The following ST7 variants were observed in gnomAD, a reference collection of about 807,000 sequenced individuals.
The protein encoded by ST7 is suppression of tumorigenicity 7.
In ST7, 28 loss-of-function variants were observed where a neutral mutation model predicts 78.7. The observed-to-expected ratio is 0.36, with a 90% CI of 0.26 to 0.49. The LOEUF (loss-of-function observed/expected upper bound fraction) is 0.49, where lower values mean the gene tolerates loss of function less well. Ranked by LOEUF, ST7 falls within the 20% of genes least tolerant of loss-of-function variation. The probability of loss-of-function intolerance (pLI) is 0.99; values close to 1 mark genes in which losing one functional copy is unlikely to be tolerated. For missense variants in ST7, 418 were observed against 696.0 expected, an observed-to-expected ratio of 0.60 and a Z score of 4.49; for synonymous variants, 247 against 249.6, an observed-to-expected ratio of 0.99 and a Z score of 0.10.
chr7:116,985,559 A>G (rs1794155421), intron 1 of ST7, among the ~76,000 whole-genome samples: 1 of 152,226 alleles, frequency 6.6e-6, no homozygotes. Flanking sequence ...GAACAAATTC[A>G]ACAAGCAAAT....
At chr7:117,009,427 G>GGGAT (rs1410757120) in intron 1 of ST7, among the ~76,000 whole-genome samples, 1 of 151,982 alleles carries the variant, frequency 6.6e-6, no homozygotes, top group Non-Finnish European at 1.5e-5. Context: ...TTTCTACAGA[G>GGGAT]GGATATGTCT....
intron 1 of ST7, chr7:117,080,930 C>T (rs1380340370): frequency 2.0e-5 from 3 of 151,912 alleles, no homozygotes; most frequent in African/African-American, 7.3e-5. Context: ...CACCAAAATC[C>T]AAATCCAAAG....
At chr7:117,100,298 C>G (rs984051035) in intron 2 of ST7, among the ~76,000 whole-genome samples, 3 of 151,926 alleles carry the variant, frequency 2.0e-5, no homozygotes, top group Non-Finnish European at 4.4e-5. Flanking sequence ...ATGGTGAAAC[C>G]CCATCTCTAC....
intron 10 of ST7, among the ~76,000 whole-genome samples, chr7:117,173,210 A>G (rs1451128548): frequency 3.3e-5 from 5 of 152,168 alleles, no homozygotes; most frequent in Non-Finnish European, 7.3e-5. Context: ...TTCATTATTC[A>G]TGGAAAAAGA....
chr7:117,210,071 A>G, intron 13 of ST7, 134 bp downstream of exon 13: 1 of 1,070,682 alleles, frequency 9.3e-7, no homozygotes, highest in Non-Finnish European at 1.3e-6. Flanking sequence ...CATCTAAGCC[A>G]GTTAGTGACT....
At chr7:117,043,751 T>A (rs940713005) in intron 1 of ST7, among the ~76,000 whole-genome samples, 1 of 152,200 alleles carries the variant, frequency 6.6e-6, no homozygotes, top group Non-Finnish European at 1.5e-5. Context: ...GTTCCTCAGA[T>A]TTTATTATTA....
At chr7:117,105,986 G>A (rs569634910) in intron 2 of ST7, among the ~76,000 whole-genome samples, 7 of 145,354 alleles carry the variant, frequency 4.8e-5, no homozygotes, top group African/African-American at 1.7e-4. Flanking sequence ...TTTTGTTTTT[G>A]TTTTTGTTTT....
intron 1 of ST7, among the ~76,000 whole-genome samples, chr7:117,084,579 T>A (rs921807643): frequency 1.3e-5 from 2 of 152,180 alleles, no homozygotes; most frequent in African/African-American, 4.8e-5. Context: ...TTTGGACAAG[T>A]GACTTAAGTG....
chr7:117,154,333 C>T (rs559154593), intron 9 of ST7, among the ~76,000 whole-genome samples: 1 of 152,300 alleles, frequency 6.6e-6, no homozygotes, highest in East Asian at 1.9e-4. Context: ...TTGGACCTCC[C>T]AGCCTCCAGA....
intron 1 of ST7, among the ~76,000 whole-genome samples, chr7:116,991,282 G>T (rs1298118844): frequency 2.0e-5 from 3 of 152,098 alleles, no homozygotes; most frequent in Admixed American, 2.0e-4. Flanking sequence ...TTGAATGTGG[G>T]GAGGCAGAAA....
intron 12 of ST7, among the ~76,000 whole-genome samples, chr7:117,197,158 T>C (rs1341153125): frequency 6.6e-6 from 1 of 152,112 alleles, no homozygotes; most frequent in Non-Finnish European, 1.5e-5. Context: ...CCTCAGCCTC[T>C]AGAGTAGCTG....
intron 1 of ST7, among the ~76,000 whole-genome samples, chr7:117,089,119 C>T (rs993500547): frequency 2.8e-4 from 42 of 152,364 alleles, no homozygotes; most frequent in Admixed American, 2.7e-3. Flanking sequence ...GTCACTCACT[C>T]CATCCAGCCC....
chr7:117,133,158 T>A (rs1381796424), intron 6 of ST7, among the ~76,000 whole-genome samples: 1 of 151,964 alleles, frequency 6.6e-6, no homozygotes, highest in Non-Finnish European at 1.5e-5. Flanking sequence ...AATAATCCAT[T>A]AGAATATCTT....
intron 1 of ST7, among the ~76,000 whole-genome samples, chr7:116,977,130 G>A (rs899258314): frequency 2.0e-5 from 3 of 152,108 alleles, no homozygotes; most frequent in Non-Finnish European, 2.9e-5. Context: ...ATATTCTGAG[G>A]ACCATTAAAA....
intron 1 of ST7, among the ~76,000 whole-genome samples, chr7:117,051,705 A>G (rs1168246726): frequency 6.6e-6 from 1 of 152,178 alleles, no homozygotes; most frequent in Admixed American, 6.5e-5. Context: ...TAGAATGGTC[A>G]AGGTGGAGAG....
At chr7:117,197,159 A>G (rs1253316154) in intron 12 of ST7, among the ~76,000 whole-genome samples, 1 of 152,132 alleles carries the variant, frequency 6.6e-6, no homozygotes, top group African/African-American at 2.4e-5. Flanking sequence ...CTCAGCCTCT[A>G]GAGTAGCTGG....
intron 1 of ST7, among the ~76,000 whole-genome samples, chr7:116,987,690 T>C (rs1437426209): frequency 6.6e-6 from 1 of 152,200 alleles, no homozygotes; most frequent in Non-Finnish European, 1.5e-5. Context: ...GGCATCAGTC[T>C]CTCTTTGGTA....
intron 9 of ST7, chr7:117,146,207 T>A (rs2117124216): frequency 6.6e-6 from 1 of 152,316 alleles, no homozygotes; most frequent in Admixed American, 6.5e-5. Context: ...AGTTGTGATA[T>A]CACCTACACT....
At chr7:117,186,910 C>T (rs569099427) in intron 10 of ST7, among the ~76,000 whole-genome samples, 1 of 152,244 alleles carries the variant, frequency 6.6e-6, no homozygotes, top group South Asian at 2.1e-4. Flanking sequence ...ATGATTATTT[C>T]CTAGGATAAA....
Sources: gnomAD v4.1 joint callset for allele counts (sites outside exome capture counted in the v4.1 genomes callset) on GRCh38, gnomAD v4.1.1 for gene constraint, MANE v1.5 for transcripts, NCBI Gene and HGNC (gene_info 2026-07-23, HGNC 2026-07-21) for gene names.